The following SEC24A variants were observed in gnomAD, a reference collection of about 807,000 sequenced individuals.
The protein encoded by SEC24A is SEC24 homolog A, COPII component, also known as protein transport protein Sec24A.
SEC24A carries 93 observed loss-of-function variants against 129.4 expected under a neutral mutation model. The ratio of observed to expected loss-of-function variants is 0.72; its 90% CI spans 0.61 to 0.85. The LOEUF (loss-of-function observed/expected upper bound fraction) is 0.85. Ranked by LOEUF, SEC24A falls within the 40% of genes least tolerant of loss-of-function variation. The probability of loss-of-function intolerance (pLI) is 0.00; values close to 1 mark genes in which losing one functional copy is unlikely to be tolerated. For missense variants in SEC24A, 1,264 were observed against 1,307.4 expected (o/e 0.97, Z 0.51); for synonymous variants, 460 against 467.3 (o/e 0.98, Z 0.20).
chr5:134,723,598 C>A lies in SEC24A; in HGVS notation c.3095C>A (p.Ser1032Tyr), dbSNP rs1422971172. ...TDLPELDTPE[S>Y]ARIIAFISWL... The stretch of plus-strand genomic sequence containing the variant: ...CTTCCAGAACTTGATACACCAGAAT[C>A]TGCCAGAATAATAGCTTTCATCTCT... Residue 1032 changes from serine to tyrosine, a missense_variant, in exon 22 of 23, where the codon TCT (serine) becomes TAT (tyrosine). Transcript: ENST00000398844. 1.2e-6 allele frequency: 2 copies of A among 1,613,202 alleles called. No individual in the cohort carries two copies. The highest frequency in any genetic ancestry group is 1.7e-6 in the Non-Finnish European group (2 of 1,179,216).
chr5:134,672,404 C>T (rs977372067), intron 4 of SEC24A, among the ~76,000 whole-genome samples: 17 of 151,936 alleles, frequency 1.1e-4, no homozygotes, highest in Non-Finnish European at 2.4e-4. Context: ...GCCAGGCTGT[C>T]CTCTAACTCC....
Position 134,697,263 on chromosome 5 carries a change from G to T in SEC24A, c.2107+17G>T. The T allele has an allele frequency of 6.3e-7, 1 of 1,578,102 alleles. No homozygotes were observed. The highest frequency in any genetic ancestry group is 8.6e-7 in the Non-Finnish European group (1 of 1,156,950). On this transcript the variant is annotated intron_variant, in intron 14 of 22. Coordinates refer to ENST00000398844, the MANE Select transcript of SEC24A (RefSeq NM_021982.3). The stretch of plus-strand genomic sequence containing the variant: ...CTTCTCTGGGTAAGTTCTTCGTAAT[G>T]ATTTTTTTTTTCCGTTAAATGAATA...
intron 1 of SEC24A, among the ~76,000 whole-genome samples, chr5:134,658,579 A>G (rs866009852): frequency 1.3e-5 from 2 of 151,848 alleles, no homozygotes; most frequent in Admixed American, 6.6e-5. Context: ...TTTAATTTTT[A>G]ATTTTTTTGT....
At chr5:134,656,395 A>G (rs755536648) in intron 1 of SEC24A, among the ~76,000 whole-genome samples, 16 of 151,396 alleles carry the variant, frequency 1.1e-4, no homozygotes, top group Non-Finnish European at 2.2e-4. Context: ...ATATCTTTAT[A>G]CTGGACATCT....
chr5:134,650,617 CCT>C (rs1405323032), intron 1 of SEC24A, among the ~76,000 whole-genome samples: 1 of 151,466 alleles, frequency 6.6e-6, no homozygotes, highest in East Asian at 1.9e-4. Context: ...CTCACTGCAA[CCT>C]CTGATTCCTG....
At chr5:134,685,337 G>C (rs1751413906) in intron 9 of SEC24A, among the ~76,000 whole-genome samples, 2 of 151,392 alleles carry the variant, frequency 1.3e-5, no homozygotes, top group African/African-American at 2.4e-5. Context: ...CTGCACTCCA[G>C]CCTGAGTGAC....
chr5:134,720,738 A>T (rs1752605661), intron 20 of SEC24A, among the ~76,000 whole-genome samples: 1 of 152,004 alleles, frequency 6.6e-6, no homozygotes. Flanking sequence ...CCCCATCTCT[A>T]CTAAAAATAC....
At position 134,725,390 on chromosome 5, in the gene SEC24A, G is replaced by T. The variant is rs1436490033; in HGVS notation, c.*296G>T. ...AAAATAAGAATATTGCAGAGGCAAAGTACATTTTGTAAAATAAAGATTTCT... is the reference window on the plus strand; with the variant it reads ...AAAATAAGAATATTGCAGAGGCAAATTACATTTTGTAAAATAAAGATTTCT... On this transcript the variant is annotated 3_prime_UTR_variant, in exon 23 of 23. Coordinates refer to ENST00000398844, the MANE Select transcript of SEC24A (RefSeq NM_021982.3). The T allele has an allele frequency of 4.9e-6, 1 of 202,288 alleles. No individual in the cohort carries two copies. Among genetic ancestry groups the T allele is most frequent in the Admixed American group, 6.0e-5 (1 of 16,680 alleles). 12.5% of individuals were successfully genotyped at this position (202,288 alleles called of 1,614,324 possible).
At chr5:134,666,606 A>AG (rs2150076168) in intron 2 of SEC24A, among the ~76,000 whole-genome samples, 1 of 152,134 alleles carries the variant, frequency 6.6e-6, no homozygotes, top group African/African-American at 2.4e-5. Context: ...GAAAAAAGGA[A>AG]GGAAGGGAGG....
chr5:134,717,960 C>G (rs1239356085), intron 19 of SEC24A, 109 bp from the exon 20 acceptor site: 1 of 714,136 alleles, frequency 1.4e-6, no homozygotes, highest in Non-Finnish European at 2.5e-6. Flanking sequence ...TTTACCTAAG[C>G]AAGGCCCAGA....
intron 1 of SEC24A, among the ~76,000 whole-genome samples, chr5:134,656,376 C>T (rs752023154): frequency 3.9e-5 from 6 of 152,024 alleles, no homozygotes; most frequent in African/African-American, 1.4e-4. Context: ...CCGCGCCCAG[C>T]GCAGATAAAT....
chr5:134,663,911 AC>A (rs1269373583), intron 2 of SEC24A, among the ~76,000 whole-genome samples: 19 of 152,246 alleles, frequency 1.2e-4, no homozygotes, highest in African/African-American at 4.1e-4. Flanking sequence ...GGAGTTCGAG[AC>A]CAGCCTGGCC....
chr5:134,675,064 A>G lies in SEC24A; in HGVS notation c.998A>G (p.His333Arg). The G allele has an allele frequency of 1.2e-6, 2 of 1,605,646 alleles. No individual in the cohort carries two copies. Among genetic ancestry groups the G allele is most frequent in the Non-Finnish European group, 8.5e-7 (1 of 1,174,334 alleles). ...AFTQTPLGAN[H>R]LTTSMSGLSL... ...CTGTAGACTCCCTTAGGTGCTAATC[A>G]TTTAACCACAAGCATGAGTGGATTA... Residue 333 changes from histidine to arginine, a missense_variant, in exon 6 of 23, where the codon CAT becomes CGT. Coordinates refer to ENST00000398844, the MANE Select transcript of SEC24A (RefSeq NM_021982.3).
chr5:134,655,761 A>T (rs916463872), intron 1 of SEC24A, among the ~76,000 whole-genome samples: 5 of 152,132 alleles, frequency 3.3e-5, no homozygotes, highest in African/African-American at 1.2e-4. Flanking sequence ...GCTGCATTTG[A>T]TACCTTTGGC....
At position 134,725,235 on chromosome 5, in the gene SEC24A, A is replaced by G. The variant is rs552704225; in HGVS notation, c.*141A>G. The G allele has an allele frequency of 5.8e-5, 33 of 565,076 alleles. No individual in the cohort carries two copies. The highest frequency in any genetic ancestry group is 1.1e-4 in the Admixed American group (3 of 27,678). The allele number at this position is 565,076 out of a possible 1,614,324, so 35.0% of individuals were successfully genotyped here. On this transcript the variant is annotated 3_prime_UTR_variant, in exon 23 of 23. Coordinates refer to ENST00000398844, the MANE Select transcript of SEC24A (RefSeq NM_021982.3). ...GTTCTCACTGTGATTTCAACAACCT[A>G]TAGCAAATAAAAGACCACAGCAGAG... is the stretch of plus-strand genomic sequence containing the variant.
intron 2 of SEC24A, among the ~76,000 whole-genome samples, chr5:134,664,948 G>A (rs1401809201): frequency 4.0e-5 from 6 of 151,178 alleles, no homozygotes; most frequent in East Asian, 2.0e-4. Flanking sequence ...ACAGGCATGC[G>A]CCACCACGCC....
intron 17 of SEC24A, 95 bp from the exon 18 acceptor site, chr5:134,708,618 G>A (rs1202532285): frequency 9.2e-7 from 1 of 1,083,742 alleles, no homozygotes. Flanking sequence ...GAGATACTTG[G>A]TATAGTTTTT....
intron 1 of SEC24A, among the ~76,000 whole-genome samples, chr5:134,657,502 C>T (rs1030490483): frequency 2.6e-5 from 4 of 152,052 alleles, no homozygotes; most frequent in Admixed American, 2.6e-4. Flanking sequence ...GCTGTTTCCT[C>T]AAATCAGTTT....
chr5:134,652,113 G>C (rs368982139), intron 1 of SEC24A, among the ~76,000 whole-genome samples: 1 of 151,182 alleles, frequency 6.6e-6, no homozygotes, highest in African/African-American at 2.4e-5. Flanking sequence ...GTAGAGACAG[G>C]GTTTCATCAC....
Sources: gnomAD v4.1 joint callset for allele counts (sites outside exome capture counted in the v4.1 genomes callset) on GRCh38, gnomAD v4.1.1 for gene constraint, MANE v1.5 for transcripts, NCBI Gene and HGNC (gene_info 2026-07-23, HGNC 2026-07-21) for gene names.